Variants in CNOT10 observed in about 807,000 individuals in gnomAD.
CNOT10 encodes the protein CCR4-NOT transcription complex subunit 10.
CNOT10 carries 30 observed loss-of-function variants against 94.6 expected under a neutral mutation model. The ratio of observed to expected loss-of-function variants is 0.32; its 90% CI spans 0.24 to 0.43. CNOT10 has a LOEUF of 0.43. Ranked by LOEUF, CNOT10 falls within the 20% of genes least tolerant of loss-of-function variation. The probability of loss-of-function intolerance (pLI) is 1.00; values close to 1 mark genes in which losing one functional copy is unlikely to be tolerated. For synonymous variants in CNOT10, 289 were observed against 301.6 expected, an observed-to-expected ratio of 0.96 and a Z score of 0.43; for missense variants, 759 against 877.2, an observed-to-expected ratio of 0.87 and a Z score of 1.70.
chr3:32,759,346 T>C (rs1447109202), intron 13 of CNOT10, 112 bp from the exon 14 acceptor site: 2 of 709,798 alleles, frequency 2.8e-6, no homozygotes, highest in African/African-American at 3.6e-5. Context: ...TCCTCTCCTC[T>C]TTCCTGGTGT....
At chr3:32,754,489 A>AAAAAAAATATATATAT (rs77878221) in intron 13 of CNOT10, among the ~76,000 whole-genome samples, 2 of 70,220 alleles carry the variant, frequency 2.8e-5, no homozygotes, top group African/African-American at 7.7e-5. Context: ...AAAAAAAAAA[A>AAAAAAAATATATATAT]ATACATATAT....
At chr3:32,737,814 AAAG>A (rs1699261257) in intron 13 of CNOT10, among the ~76,000 whole-genome samples, 2 of 152,146 alleles carry the variant, frequency 1.3e-5, no homozygotes, top group South Asian at 2.1e-4. Context: ...TCAAAAAAAA[AAAG>A]AACACATTCT....
chr3:32,741,936 A>G (rs1166186868), intron 13 of CNOT10, among the ~76,000 whole-genome samples: 2 of 151,144 alleles, frequency 1.3e-5, no homozygotes, highest in Middle Eastern at 3.2e-3. Flanking sequence ...ACTTGTTTTG[A>G]TATTTGTGTG....
At chr3:32,720,924 T>C (rs979401799) in intron 8 of CNOT10, among the ~76,000 whole-genome samples, 3 of 116,150 alleles carry the variant, frequency 2.6e-5, no homozygotes, top group Non-Finnish European at 3.5e-5. Context: ...CCTTCCTTCC[T>C]TCCTTCCTTC....
chr3:32,695,385 T>A (rs774816362), intron 1 of CNOT10, among the ~76,000 whole-genome samples: 1 of 152,110 alleles, frequency 6.6e-6, no homozygotes, highest in East Asian at 1.9e-4. Context: ...CTGTGATTGT[T>A]GATTTCCTTA....
chr3:32,765,143 A>C, intron 17 of CNOT10: 1 of 421,954 alleles, frequency 2.4e-6, no homozygotes, highest in Non-Finnish European at 4.2e-6. Context: ...ATATGGTGAA[A>C]CCCCATCTCT....
intron 13 of CNOT10, among the ~76,000 whole-genome samples, chr3:32,744,946 T>C (rs1003385144): frequency 3.3e-5 from 5 of 152,222 alleles, no homozygotes; most frequent in African/African-American, 1.2e-4. Context: ...TGGCTCAATC[T>C]TGGCTCACTG....
In CNOT10 at chr3:32,727,804, G is replaced by C; in HGVS notation, c.1149G>C (p.Gln383His). The C allele has an allele frequency of 6.2e-7, 1 of 1,613,810 alleles. No homozygotes were observed. Among genetic ancestry groups the C allele is most frequent in the Non-Finnish European group, 8.5e-7 (1 of 1,179,954 alleles). The change falls in exon 10 of 19, where the codon CAG (glutamine) becomes CAC (histidine). Residue 383 changes from glutamine to histidine, a missense_variant. Around this residue, in one of 3 missense-constraint regions of CNOT10, gnomAD observed 682 missense variants for 799.4 expected, o/e 0.85. Transcript: ENST00000328834. ...AAFECLIEAVQVYHANPRLWL... is the reference protein window; with the variant it reads ...AAFECLIEAVHVYHANPRLWL... ...TCGAATGTCTGATTGAAGCTGTTCAGGTTTATCATGCAAATCCTCGCCTCT... is the reference window on the plus strand; with the variant it reads ...TCGAATGTCTGATTGAAGCTGTTCACGTTTATCATGCAAATCCTCGCCTCT...
rs1553626981 is a variant in CNOT10 at position 32,687,439 on chromosome 3, G to GTTTTTTTTTTTGTTTTTTTTTTTTTTTT, written c.22+1968_22+1969insGTTTTTTTTTTTTTTTTTTTTTTTTTTT. The stretch of plus-strand genomic sequence containing the variant: ...TTCTTTCTCCTTTTAAGTCCTCACG[G>GTTTTTTTTTTTGTTTTTTTTTTTTTTTT]TTTTTTTTTTTTGTTTTTTTTTTTT... On this transcript the variant is annotated intron_variant, in intron 1 of 18. Coordinates refer to ENST00000328834, the MANE Select transcript of CNOT10 (RefSeq NM_015442.3). Among the ~76,000 whole-genome samples the GTTTTTTTTTTTGTTTTTTTTTTTTTTTT allele has an allele frequency of 7.0e-4, 36 of 51,312 alleles. 10 individuals carry two copies. Among genetic ancestry groups the GTTTTTTTTTTTGTTTTTTTTTTTTTTTT allele is most frequent in the Admixed American group, 1.1e-3 (3 of 2,834 alleles). 33.7% of individuals were successfully genotyped at this position (51,312 alleles called of 152,430 possible).
intron 10 of CNOT10, among the ~76,000 whole-genome samples, chr3:32,729,517 T>C (rs1005843649): frequency 1.3e-5 from 2 of 152,100 alleles, no homozygotes; most frequent in African/African-American, 4.8e-5. Context: ...ATGTTGAGGC[T>C]CTCCTCCCGC....
intron 5 of CNOT10, among the ~76,000 whole-genome samples, chr3:32,714,535 C>T (rs140973190): frequency 4.0e-5 from 6 of 151,404 alleles, no homozygotes; most frequent in African/African-American, 9.7e-5. Context: ...ATGGTGAAAC[C>T]GTGTCTTTAC....
At chr3:32,753,725 C>T (rs144659566) in intron 13 of CNOT10, 29,730 of 1,591,136 alleles carry the variant, frequency 0.019, 433 homozygotes, top group African/African-American at 0.052. Context: ...GAGGGAGATG[C>T]AGCTTTAAAC....
chr3:32,762,661 C>A, intron 14 of CNOT10, 72 bp from the exon 15 acceptor site: 2 of 1,426,042 alleles, frequency 1.4e-6, no homozygotes, highest in Admixed American at 2.4e-5. Flanking sequence ...CATAATATAC[C>A]CAGCATTATT....
At chr3:32,685,586 T>A in intron 1 of CNOT10, 104 bp downstream of exon 1, 2 of 1,298,964 alleles carry the variant, frequency 1.5e-6, no homozygotes, top group Non-Finnish European at 2.2e-6. Flanking sequence ...CCAGGGCGAC[T>A]TGAATTTGGG....
chr3:32,703,872 G>C lies in CNOT10; in HGVS notation c.27G>C (p.Gln9His). 6.2e-7 allele frequency: 1 copy of C among 1,611,810 alleles called. No individual in the cohort carries two copies. The highest frequency in any genetic ancestry group is 8.5e-7 in the Non-Finnish European group (1 of 1,178,058). Residue 9 changes from glutamine (Q) to histidine (H), a missense_variant, in exon 2 of 19, where the codon CAG becomes CAC. Coordinates refer to ENST00000328834, the MANE Select transcript of CNOT10 (RefSeq NM_015442.3). ...GTAAAATTTGTGTGTTTGCAGATCAGGGAGCAGAGAAACATGAAGGCACAG... is the reference window on the plus strand; with the variant it reads ...GTAAAATTTGTGTGTTTGCAGATCACGGAGCAGAGAAACATGAAGGCACAG... MAADKPAD[Q>H]GAEKHEGTGQ...
Position 32,773,851 on chromosome 3 carries a change from C to A in CNOT10, c.*240C>A. The A allele has an allele frequency of 2.6e-6, 1 of 391,802 alleles. No individual in the cohort carries two copies. Among genetic ancestry groups the A allele is most frequent in the Non-Finnish European group, 4.5e-6 (1 of 222,404 alleles). The allele number at this position is 391,802 out of a possible 1,614,324, so 24.3% of individuals were successfully genotyped here. ...GCCATTATGTAATATATGCCATAGG[C>A]AATTAAAACATAATTTTATCAGAAG... On this transcript the variant is annotated 3_prime_UTR_variant, in exon 19 of 19. Transcript: ENST00000328834.
chr3:32,718,385 C>T (rs1050309988), intron 7 of CNOT10, among the ~76,000 whole-genome samples: 29 of 148,926 alleles, frequency 1.9e-4, no homozygotes, highest in African/African-American at 5.2e-4. Flanking sequence ...GAGATCGAGA[C>T]CATCCTGGTT....
At chr3:32,701,320 A>G (rs1575210772) in intron 1 of CNOT10, among the ~76,000 whole-genome samples, 1 of 152,224 alleles carries the variant, frequency 6.6e-6, no homozygotes, top group African/African-American at 2.4e-5. Context: ...GTTAAACTGC[A>G]TGTAATATTG....
chr3:32,697,772 C>T (rs1359854599), intron 1 of CNOT10, among the ~76,000 whole-genome samples: 1 of 152,192 alleles, frequency 6.6e-6, no homozygotes. Context: ...ACTGCCCAGC[C>T]AAGGGGCATA....
Sources: allele counts gnomAD v4.1 joint callset (sites outside exome capture counted in the v4.1 genomes callset), GRCh38; gene constraint gnomAD v4.1.1; regional missense constraint gnomAD v4.1.1; transcripts MANE v1.5; gene names NCBI Gene and HGNC (gene_info 2026-07-23, HGNC 2026-07-21).